Variants in PRPF39 observed in about 807,000 individuals in gnomAD.
The protein encoded by PRPF39 is pre-mRNA-processing factor 39.
A neutral mutation model predicts 82.1 loss-of-function variants in PRPF39; 27 were observed. That is an observed-to-expected ratio of 0.33 (90% CI 0.24 to 0.45). The LOEUF (loss-of-function observed/expected upper bound fraction) is 0.45. PRPF39 is among the 20% of genes least tolerant of loss of function. The pLI, the probability that PRPF39 is intolerant of heterozygous loss-of-function variation, is 1.00. For synonymous variants in PRPF39, 261 were observed against 256.4 expected (o/e 1.02, Z -0.17); for missense variants, 581 against 796.9 (o/e 0.73, Z 3.26).
At chr14:45,099,482 T>C (rs992614333) in intron 4 of PRPF39, among the ~76,000 whole-genome samples, 2 of 152,002 alleles carry the variant, frequency 1.3e-5, no homozygotes, top group Non-Finnish European at 2.9e-5. Flanking sequence ...TCTCCCTCTC[T>C]CCCCCAGGGT....
At chr14:45,109,592 T>C in intron 7 of PRPF39, 24 bp from the exon 8 acceptor site, 1 of 1,579,950 alleles carries the variant, frequency 6.3e-7, no homozygotes, top group East Asian at 2.3e-5. Flanking sequence ...TTACTTTCAT[T>C]GGCATGTTAC....
intron 5 of PRPF39, among the ~76,000 whole-genome samples, chr14:45,105,211 T>C (rs765710717): frequency 2.6e-5 from 4 of 152,168 alleles, no homozygotes; most frequent in Non-Finnish European, 5.9e-5. Flanking sequence ...ATTATGCACA[T>C]TTTGTCACTG....
In PRPF39 at chr14:45,110,977, T is replaced by A. The variant is rs1884679041; in HGVS notation, c.1572+160T>A. On this transcript the variant is annotated intron_variant, in intron 10 of 13. Transcript: ENST00000355765. This position sits in a 1 kb window ranked among gnomAD's most constrained non-coding sequence, Gnocchi z 4.0. ...CTAAACTGATGTTGCCATTTAAAAA[T>A]TTTTTTCAAATTGTTTTGAATTAAA... The A allele has an allele frequency of 2.7e-6, 2 of 731,858 alleles. No individual in the cohort carries two copies. Among genetic ancestry groups the A allele is most frequent in the Non-Finnish European group, 2.1e-6 (1 of 468,450 alleles). The allele number at this position is 731,858 out of a possible 1,614,324, so 45.3% of individuals were successfully genotyped here.
chr14:45,104,070 C>G (rs996292707), intron 5 of PRPF39, among the ~76,000 whole-genome samples: 1 of 152,134 alleles, frequency 6.6e-6, no homozygotes, highest in Non-Finnish European at 1.5e-5. Flanking sequence ...TCTAAGGCCA[C>G]AGAGTTTGTA....
At chr14:45,100,076 A>G (rs565896328) in intron 4 of PRPF39, among the ~76,000 whole-genome samples, 1 of 152,234 alleles carries the variant, frequency 6.6e-6, no homozygotes, top group South Asian at 2.1e-4. Flanking sequence ...TAAAATACAA[A>G]AAAATTAGCT....
rs1019349470 is a variant in PRPF39, at chr14:45,116,046, T to A, written c.*1133T>A. 2 of 578,376 alleles carry A rather than the reference T, an allele frequency of 3.5e-6. No homozygotes were observed. Among genetic ancestry groups the A allele is most frequent in the African/African-American group, 3.7e-5 (2 of 53,928 alleles). The allele number at this position is 578,376 out of a possible 1,614,324, so 35.8% of individuals were successfully genotyped here. A position where few individuals can be genotyped will look rare whatever the true frequency, so the allele number is the denominator to read the frequency against. ...CATAAGGGATTTATCTCTCAAAAGCTGGGACCAAGTAAACAAATTTTATTA... is the reference window on the plus strand; with the variant it reads ...CATAAGGGATTTATCTCTCAAAAGCAGGGACCAAGTAAACAAATTTTATTA... On this transcript the variant is annotated 3_prime_UTR_variant, in exon 14 of 14. Coordinates refer to ENST00000355765, the MANE Select transcript of PRPF39 (RefSeq NM_017922.4).
chr14:45,110,582 C>T lies in PRPF39; in HGVS notation c.1337C>T (p.Thr446Ile). 1.3e-6 allele frequency: 2 copies of T among 1,565,792 alleles called. No individual in the cohort carries two copies. Among genetic ancestry groups the T allele is most frequent in the Non-Finnish European group, 1.7e-6 (2 of 1,153,758 alleles). Reference sequence around the variant, plus strand: ...AATGAAGCCAGGAATATCTTGAAAACATTTGAAGAATGTGTTCTAGGATTG... The same window carrying T: ...AATGAAGCCAGGAATATCTTGAAAATATTTGAAGAATGTGTTCTAGGATTG... ...NINEARNILK[T>I]FEECVLGLAM... The change falls in exon 10 of 14, where the codon ACA becomes ATA. Residue 446 changes from threonine to isoleucine, a missense_variant. Coordinates refer to ENST00000355765, the MANE Select transcript of PRPF39 (RefSeq NM_017922.4). This position sits in a 1 kb window ranked among gnomAD's most constrained non-coding sequence, Gnocchi z 4.0.
intron 2 of PRPF39, 89 bp from the exon 3 acceptor site, chr14:45,096,014 T>A: frequency 8.3e-7 from 1 of 1,209,528 alleles, no homozygotes; most frequent in Non-Finnish European, 1.1e-6. Flanking sequence ...TTATTATTAT[T>A]TTTTTAGATA....
intron 10 of PRPF39, among the ~76,000 whole-genome samples, chr14:45,111,186 T>C (rs991391110): frequency 3.3e-5 from 5 of 152,200 alleles, no homozygotes; most frequent in Non-Finnish European, 7.3e-5. Context: ...AGTGAGATGA[T>C]TTTGCTTCTC....
intron 5 of PRPF39, among the ~76,000 whole-genome samples, chr14:45,104,731 A>G (rs1377728655): frequency 2.6e-5 from 4 of 152,226 alleles, no homozygotes; most frequent in Non-Finnish European, 5.9e-5. Context: ...CTTCTTTAGC[A>G]TGAGGACTTT....
Position 45,095,138 on chromosome 14 carries a change from A to T in PRPF39, c.-19-83A>T, listed in dbSNP as rs561062693. ...TTAATATTTCTTTAATAGCTAAATT[A>T]GGGCTTTTTAAAAGGTGTTGTTGAG... On this transcript the variant is annotated intron_variant, in intron 1 of 13. Transcript: ENST00000355765. The T allele has an allele frequency of 7.6e-5, 62 of 815,788 alleles. 1 individual carries two copies. The South Asian group carries it at 1.0e-3, about 13-fold the overall frequency. The allele number at this position is 815,788 out of a possible 1,614,324, so 50.5% of individuals were successfully genotyped here. A position where few individuals can be genotyped will look rare whatever the true frequency, so the allele number is the denominator to read the frequency against.
At position 45,114,889 on chromosome 14, in the gene PRPF39, A is replaced by G. The variant is rs767795089; in HGVS notation, c.1986A>G (p.Gln662=). ...ATCAGAATCCTTGGAATTATGGACA[A>G]TATTATCCTCCCCCTCCAACCTGAT... is the stretch of plus-strand genomic sequence containing the variant. The part of the protein sequence containing the change: ...YNYQNPWNYG[Q]YYPPPPT Residue 662 remains glutamine (Q), a synonymous_variant, in exon 14 of 14, where the codon CAA becomes CAG. Transcript: ENST00000355765. 62 of 1,600,306 alleles carry G rather than the reference A, an allele frequency of 3.9e-5. No individual in the cohort carries two copies. Among genetic ancestry groups the G allele is most frequent in the Non-Finnish European group, 5.1e-5 (60 of 1,168,038 alleles).
At chr14:45,088,513 G>A (rs1883915448) in intron 1 of PRPF39, among the ~76,000 whole-genome samples, 1 of 152,202 alleles carries the variant, frequency 6.6e-6, no homozygotes, top group South Asian at 2.1e-4. Context: ...GAATGTCTGG[G>A]CTGTACAAGT....
At chr14:45,108,190 C>A (rs141215884) in intron 6 of PRPF39, among the ~76,000 whole-genome samples, 1 of 151,846 alleles carries the variant, frequency 6.6e-6, no homozygotes, top group East Asian at 1.9e-4. Context: ...ATCTACTAGC[C>A]CAATTTAAGA....
At chr14:45,103,925 C>G (rs1386901797) in intron 5 of PRPF39, among the ~76,000 whole-genome samples, 2 of 152,114 alleles carry the variant, frequency 1.3e-5, no homozygotes, top group African/African-American at 4.8e-5. Context: ...GTAGGAAACA[C>G]ACATAGCATT....
chr14:45,104,991 CATTT>C (rs770094320), intron 5 of PRPF39, among the ~76,000 whole-genome samples: 83 of 152,302 alleles, frequency 5.4e-4, no homozygotes, highest in Non-Finnish European at 9.9e-4. Context: ...ACTTTACCTA[CATTT>C]ATTTACATTT....
At chr14:45,105,416 A>G (rs896449370) in intron 5 of PRPF39, among the ~76,000 whole-genome samples, 2 of 152,062 alleles carry the variant, frequency 1.3e-5, no homozygotes, top group African/African-American at 2.4e-5. Context: ...ATTTTTTAAC[A>G]TAAGGCAATC....
At chr14:45,097,123 A>G in intron 4 of PRPF39, 118 bp downstream of exon 4, 1 of 1,361,482 alleles carries the variant, frequency 7.3e-7, no homozygotes, top group East Asian at 2.6e-5. Context: ...TGTTAAAAAA[A>G]TGATACATGT....
Position 45,090,271 on chromosome 14 carries a change from C to G in PRPF39, c.-19-4950C>G, listed in dbSNP as rs181660192. On this transcript the variant is annotated intron_variant, in intron 1 of 13. Coordinates refer to ENST00000355765, the MANE Select transcript of PRPF39 (RefSeq NM_017922.4). ...TTTCCTAGGGCCTGAAGTGATTAAA[C>G]TTGGAAAAGTTGATGACATTAATCA... 4.6e-3 allele frequency among the ~76,000 whole-genome samples: 700 copies of G among 152,232 alleles called. 5 individuals are homozygous for G. The highest frequency in any genetic ancestry group is 6.8e-3 in the Middle Eastern group (2 of 294).
Sources: allele counts gnomAD v4.1 joint callset (sites outside exome capture counted in the v4.1 genomes callset), GRCh38; gene constraint gnomAD v4.1.1; non-coding constraint Gnocchi (gnomAD v3.1); transcripts MANE v1.5; gene names NCBI Gene and HGNC (gene_info 2026-07-23, HGNC 2026-07-21).